Variants in NRG1 observed in about 807,000 individuals in gnomAD.
NRG1 encodes neuregulin 1.
Under a neutral mutation model 63.8 loss-of-function variants are expected in NRG1, and 18 were observed. The ratio of observed to expected loss-of-function variants is 0.28; its 90% CI spans 0.19 to 0.42. The LOEUF (loss-of-function observed/expected upper bound fraction) is 0.42. Ranked by LOEUF, NRG1 falls within the 10% of genes least tolerant of loss-of-function variation. The pLI, the probability that NRG1 is intolerant of heterozygous loss-of-function variation, is 1.00. For missense variants in NRG1, 762 were observed against 814.7 expected, an observed-to-expected ratio of 0.94 and a Z score of 0.79; for synonymous variants, 302 against 301.3, an observed-to-expected ratio of 1.00 and a Z score of -0.02.
In NRG1 at chr8:32,064,794, G is replaced by T. The variant is rs141996389; in HGVS notation, c.37+425363G>T. ...CTCTTAAACCAGCAGTATAAGAACTGCTAGTGAAAAAATAAACATTAGTAT... is the reference window on the plus strand; with the variant it reads ...CTCTTAAACCAGCAGTATAAGAACTTCTAGTGAAAAAATAAACATTAGTAT... On this transcript the variant is annotated intron_variant, in intron 1 of 10. Transcript: ENST00000519301. 5.6e-4 allele frequency among the ~76,000 whole-genome samples: 85 copies of T among 152,118 alleles called. 2 individuals carry two copies. The highest frequency in any genetic ancestry group is 7.4e-5 in the Non-Finnish European group (5 of 67,976).
intron 1 of NRG1, among the ~76,000 whole-genome samples, chr8:32,004,155 C>T (rs1813372954): frequency 6.6e-6 from 1 of 151,872 alleles, no homozygotes; most frequent in African/African-American, 2.4e-5. Flanking sequence ...ATTGCAGCCC[C>T]ACGACCTTCT....
chr8:32,568,513 A>G (rs1255033889), intron 1 of NRG1, among the ~76,000 whole-genome samples: 1 of 152,222 alleles, frequency 6.6e-6, no homozygotes, highest in Non-Finnish European at 1.5e-5. Flanking sequence ...TAGAAGTTAG[A>G]ACACCAGGAG....
chr8:32,573,826 C>T (rs554956089), intron 1 of NRG1, among the ~76,000 whole-genome samples: 77 of 152,122 alleles, frequency 5.1e-4, no homozygotes, highest in African/African-American at 1.8e-3. Flanking sequence ...CAACAGTCCC[C>T]GGTATGTGAA....
intron 1 of NRG1, among the ~76,000 whole-genome samples, chr8:31,989,609 A>C (rs920693734): frequency 1.3e-5 from 2 of 152,128 alleles, no homozygotes; most frequent in Non-Finnish European, 2.9e-5. Context: ...ATTTGGAAGG[A>C]GATCTGGAAC....
At chr8:32,461,192 A>G (rs185863718) in intron 1 of NRG1, among the ~76,000 whole-genome samples, 3 of 148,530 alleles carry the variant, frequency 2.0e-5, no homozygotes, top group Admixed American at 1.3e-4. Context: ...TCTTAAAAAG[A>G]AAAAAAATCC....
chr8:32,301,996 C>A (rs938139916), intron 1 of NRG1, among the ~76,000 whole-genome samples: 1 of 152,148 alleles, frequency 6.6e-6, no homozygotes, highest in Non-Finnish European at 1.5e-5. Context: ...ACCTGCATCC[C>A]AATTTGCCTG....
chr8:32,381,746 C>A (rs1262827198), intron 1 of NRG1, among the ~76,000 whole-genome samples: 1 of 152,036 alleles, frequency 6.6e-6, no homozygotes, highest in Non-Finnish European at 1.5e-5. Context: ...AAAAAATAAT[C>A]AAGAAAATGT....
chr8:32,073,602 A>T (rs1249243355), intron 1 of NRG1, among the ~76,000 whole-genome samples: 2 of 152,210 alleles, frequency 1.3e-5, no homozygotes, highest in Non-Finnish European at 1.5e-5. Flanking sequence ...GTTGTTTTAC[A>T]GAAGGGAAAT....
chr8:32,762,601 G>A (rs1030470406), intron 11 of NRG1, among the ~76,000 whole-genome samples: 6 of 152,280 alleles, frequency 3.9e-5, no homozygotes, highest in African/African-American at 1.2e-4. Context: ...TGTGACTCCG[G>A]GAGAAGCAGG....
chr8:32,508,206 G>A (rs1828762522), intron 1 of NRG1, among the ~76,000 whole-genome samples: 1 of 152,142 alleles, frequency 6.6e-6, no homozygotes, highest in South Asian at 2.1e-4. Flanking sequence ...AGGAGTTTGA[G>A]GTCAACCTGG....
chr8:32,574,685 C>G (rs935647779), intron 1 of NRG1, among the ~76,000 whole-genome samples: 2 of 152,150 alleles, frequency 1.3e-5, no homozygotes, highest in African/African-American at 2.4e-5. Context: ...TTGAAAGCTC[C>G]CTGAGGCTTC....
chr8:31,725,573 T>C (rs528553219), intron 1 of NRG1, among the ~76,000 whole-genome samples: 1 of 152,288 alleles, frequency 6.6e-6, no homozygotes, highest in East Asian at 1.9e-4. Context: ...TCAGTTTGAA[T>C]AGAAAATGCT....
intron 1 of NRG1, among the ~76,000 whole-genome samples, chr8:32,149,728 A>G (rs1397542138): frequency 6.6e-6 from 1 of 152,188 alleles, no homozygotes; most frequent in African/African-American, 2.4e-5. Flanking sequence ...ACTTCATATA[A>G]TTATCTCTGC....
intron 1 of NRG1, among the ~76,000 whole-genome samples, chr8:32,304,134 T>G (rs906872972): frequency 6.6e-6 from 1 of 152,250 alleles, no homozygotes; most frequent in Admixed American, 6.5e-5. Context: ...AAAATTCTTC[T>G]GAGTGTCTTA....
At position 31,942,942 on chromosome 8, in the gene NRG1, C is replaced by T. The variant is rs1801984471; in HGVS notation, c.37+303511C>T. Among the ~76,000 whole-genome samples, 4 of 150,494 alleles carry T rather than the reference C, an allele frequency of 2.7e-5. No homozygotes were observed. In the South Asian group the frequency reaches 8.3e-4, roughly 31 times the overall value. ...GCAATGAAAAGGGAACACTTTTACACTGTTGGTGGGAATGGACTAGTACAA... is the reference window on the plus strand; with the variant it reads ...GCAATGAAAAGGGAACACTTTTACATTGTTGGTGGGAATGGACTAGTACAA... On this transcript the variant is annotated intron_variant, in intron 1 of 10. Transcript: ENST00000519301.
intron 1 of NRG1, among the ~76,000 whole-genome samples, chr8:32,318,382 A>C (rs929014054): frequency 6.6e-6 from 1 of 152,184 alleles, no homozygotes; most frequent in Non-Finnish European, 1.5e-5. Context: ...GGGCTACCTC[A>C]TGCTTTTTGT....
In NRG1 at chr8:32,739,779, A is replaced by G. The variant is rs562541216; in HGVS notation, c.633-2896A>G. On this transcript the variant is annotated intron_variant, in intron 6 of 11. Transcript: ENST00000356819. ...TAATGATTCTTACTAACGTAAGGGCATTTCCTGCCTTGAGCAATTGTGTGG... is the reference window on the plus strand; with the variant it reads ...TAATGATTCTTACTAACGTAAGGGCGTTTCCTGCCTTGAGCAATTGTGTGG... Among the ~76,000 whole-genome samples the G allele has an allele frequency of 8.5e-5, 13 of 152,276 alleles. No individual in the cohort carries two copies. The East Asian group carries it at 2.5e-3, about 29-fold the overall frequency.
intron 1 of NRG1, among the ~76,000 whole-genome samples, chr8:32,587,815 T>C (rs371361448): frequency 6.6e-6 from 1 of 152,180 alleles, no homozygotes; most frequent in Non-Finnish European, 1.5e-5. Flanking sequence ...ACCCTCCAAA[T>C]AGAGACTGTG....
At position 32,548,832 on chromosome 8, in the gene NRG1, T is replaced by A; in HGVS notation, c.100+6T>A. The stretch of plus-strand genomic sequence containing the variant: ...GGCGGGCAGCCAGAGCCCAGGTGGG[T>A]GCGCAGCGCGGCCCGGGCCCCACGA... On this transcript the variant is annotated splice_donor_region_variant and intron_variant, in intron 1 of 11. Transcript: ENST00000356819. 1.9e-6 allele frequency: 3 copies of A among 1,557,288 alleles called. No individual in the cohort carries two copies. Among genetic ancestry groups the A allele is most frequent in the Non-Finnish European group, 2.6e-6 (3 of 1,153,550 alleles).
Sources: allele counts gnomAD v4.1 joint callset (sites outside exome capture counted in the v4.1 genomes callset), GRCh38; gene constraint gnomAD v4.1.1; transcripts MANE v1.5; gene names NCBI Gene and HGNC (gene_info 2026-07-23, HGNC 2026-07-21).